The following PDZRN4 variants were observed in gnomAD, a reference collection of about 807,000 sequenced individuals.
PDZRN4 encodes PDZ domain containing ring finger 4, also known as PDZ domain-containing RING finger protein 4.
Under a neutral mutation model 99.0 loss-of-function variants are expected in PDZRN4, and 70 were observed. The ratio of observed to expected loss-of-function variants is 0.71; its 90% confidence interval spans 0.58 to 0.86. The LOEUF (loss-of-function observed/expected upper bound fraction) is 0.86, where lower values mean the gene tolerates loss of function less well. PDZRN4 is among the 40% of genes least tolerant of loss of function. The pLI is 0.00. For missense variants in PDZRN4, 1,474 were observed against 1,331.2 expected (o/e 1.11, Z -1.67); for synonymous variants, 551 against 501.6 (o/e 1.10, Z -1.32).
intron 3 of PDZRN4, among the ~76,000 whole-genome samples, chr12:41,334,909 A>G (rs1358536614): frequency 6.6e-6 from 1 of 152,110 alleles, no homozygotes; most frequent in Non-Finnish European, 1.5e-5. Context: ...ACTGAAATAT[A>G]TGTGAGTCTT....
intron 3 of PDZRN4, among the ~76,000 whole-genome samples, chr12:41,366,057 A>G (rs1469963687): frequency 2.6e-5 from 4 of 152,092 alleles, no homozygotes; most frequent in South Asian, 2.1e-4. Context: ...TGCTCCCACC[A>G]CAGATTGCTA....
intron 3 of PDZRN4, among the ~76,000 whole-genome samples, chr12:41,327,022 T>C (rs1479589887): frequency 6.6e-6 from 1 of 152,208 alleles, no homozygotes; most frequent in East Asian, 1.9e-4. Context: ...CAGGTCAGTA[T>C]AGTCATTGAC....
chr12:41,199,977 C>T (rs1183661764), intron 3 of PDZRN4, among the ~76,000 whole-genome samples: 7 of 151,924 alleles, frequency 4.6e-5, no homozygotes, highest in Non-Finnish European at 7.4e-5. Flanking sequence ...AATGTATCCA[C>T]ATAAAAAAAC....
intron 3 of PDZRN4, among the ~76,000 whole-genome samples, chr12:41,449,450 T>G (rs1408813726): frequency 6.6e-6 from 1 of 152,200 alleles, no homozygotes; most frequent in Non-Finnish European, 1.5e-5. Flanking sequence ...AAATACTAAA[T>G]GAATCCTGTC....
chr12:41,482,769 C>A (rs1937697602), intron 3 of PDZRN4, among the ~76,000 whole-genome samples: 1 of 151,768 alleles, frequency 6.6e-6, no homozygotes, highest in African/African-American at 2.4e-5. Flanking sequence ...AAGAAGAAAA[C>A]CAACTAGAAT....
chr12:41,191,567 T>G, intron 2 of PDZRN4, 23 bp downstream of exon 2: 3 of 988,100 alleles, frequency 3.0e-6, no homozygotes, highest in African/African-American at 1.6e-5. Flanking sequence ...GTTAATGCAT[T>G]ACTCGTTACT....
chr12:41,454,962 G>C (rs1022721811), intron 3 of PDZRN4, among the ~76,000 whole-genome samples: 2 of 152,200 alleles, frequency 1.3e-5, no homozygotes, highest in African/African-American at 4.8e-5. Context: ...CTCAGGAATT[G>C]AACTTCTACA....
At chr12:41,382,426 A>G (rs2121103847) in intron 3 of PDZRN4, among the ~76,000 whole-genome samples, 2 of 152,310 alleles carry the variant, frequency 1.3e-5, no homozygotes, top group South Asian at 4.1e-4. Flanking sequence ...AAGTTCATCA[A>G]GCTTTTCTGG....
intron 3 of PDZRN4, among the ~76,000 whole-genome samples, chr12:41,210,300 T>G (rs536507489): frequency 0.017 from 2,554 of 152,166 alleles, 31 homozygotes; most frequent in Non-Finnish European, 0.028. Context: ...TGTTGGTTGC[T>G]TGTTCACTCT....
intron 5 of PDZRN4, among the ~76,000 whole-genome samples, chr12:41,524,846 T>C (rs1337640957): frequency 1.3e-5 from 2 of 152,162 alleles, no homozygotes; most frequent in Non-Finnish European, 2.9e-5. Context: ...TAAGAGGTGA[T>C]TGTGTTAATT....
chr12:41,561,776 TTTGACAGAC>T (rs1207477102), intron 7 of PDZRN4, among the ~76,000 whole-genome samples: 4 of 151,876 alleles, frequency 2.6e-5, no homozygotes, highest in Non-Finnish European at 4.4e-5. Context: ...CAGGTCCATG[TTTGACAGAC>T]AAATAAATGC....
At chr12:41,199,151 A>G (rs1429814946) in intron 3 of PDZRN4, among the ~76,000 whole-genome samples, 1 of 152,154 alleles carries the variant, frequency 6.6e-6, no homozygotes, top group Non-Finnish European at 1.5e-5. Flanking sequence ...TCACAAAGCA[A>G]TGGTGCTAAT....
intron 5 of PDZRN4, among the ~76,000 whole-genome samples, chr12:41,549,185 C>A (rs1354506737): frequency 1.3e-5 from 2 of 152,100 alleles, no homozygotes; most frequent in African/African-American, 4.8e-5. Context: ...ACAGAGGTAG[C>A]ATTTCACTTT....
intron 4 of PDZRN4, among the ~76,000 whole-genome samples, 167 bp downstream of exon 4, chr12:41,506,879 G>A (rs369818992): frequency 6.6e-6 from 1 of 152,108 alleles, no homozygotes; most frequent in East Asian, 1.9e-4. Context: ...TTAGTTCTCA[G>A]TGGTCCCTGC....
intron 5 of PDZRN4, among the ~76,000 whole-genome samples, chr12:41,544,173 T>C (rs1445004549): frequency 6.6e-6 from 1 of 152,224 alleles, no homozygotes; most frequent in Non-Finnish European, 1.5e-5. Context: ...AAATGTCCAG[T>C]GAGTAAAGTG....
chr12:41,370,939 C>A (rs1952037005), intron 3 of PDZRN4, among the ~76,000 whole-genome samples: 1 of 151,146 alleles, frequency 6.6e-6, no homozygotes, highest in East Asian at 1.9e-4. Context: ...TCATTTACTT[C>A]TCTGTTTTAA....
At chr12:41,368,631 C>CT (rs1320753027) in intron 3 of PDZRN4, among the ~76,000 whole-genome samples, 2 of 152,114 alleles carry the variant, frequency 1.3e-5, no homozygotes, top group East Asian at 3.9e-4. Context: ...TTTCTCACCT[C>CT]TAAGTTTTTT....
intron 4 of PDZRN4, among the ~76,000 whole-genome samples, chr12:41,508,463 A>G (rs560425695): frequency 6.6e-6 from 1 of 152,326 alleles, no homozygotes; most frequent in Non-Finnish European, 1.5e-5. Context: ...GTAAACCAAC[A>G]TATTTCCAGC....
chr12:41,534,903 T>C (rs1406664916), intron 5 of PDZRN4, among the ~76,000 whole-genome samples: 1 of 152,170 alleles, frequency 6.6e-6, no homozygotes, highest in Non-Finnish European at 1.5e-5. Flanking sequence ...TCCTAACTAC[T>C]ATCTCCTAGT....
Sources: gnomAD v4.1 joint callset for allele counts (sites outside exome capture counted in the v4.1 genomes callset) on GRCh38, gnomAD v4.1.1 for gene constraint, MANE v1.5 for transcripts, NCBI Gene and HGNC (gene_info 2026-07-23, HGNC 2026-07-21) for gene names.